CAPN6: variants seen among roughly 807,000 people sequenced by gnomAD.
CAPN6 encodes the protein calpain 6, also known as calpain-6.
In CAPN6, 16 loss-of-function variants were observed where a neutral mutation model predicts 46.0. The ratio of observed to expected loss-of-function variants is 0.35; its 90% CI spans 0.24 to 0.53. The LOEUF is 0.53. Among genes scored for constraint, CAPN6 ranks in the 20% least tolerant of loss-of-function variants. The pLI is 0.94. For synonymous variants in CAPN6, 206 were observed against 172.8 expected (o/e 1.19, Z -1.51); for missense variants, 461 against 498.0 (o/e 0.93, Z 0.71).
intron 8 of CAPN6, among the ~76,000 whole-genome samples, chrX:111,250,432 G>GA (rs2094978235): frequency 9.0e-6 from 1 of 111,207 alleles, no homozygotes; most frequent in African/African-American, 3.3e-5. Flanking sequence ...CAAATCCTGG[G>GA]AAAAATGACC....
Position 111,248,621 on chromosome X carries a change from G to A in CAPN6, c.1432C>T (p.Arg478Cys), listed in dbSNP as rs745378811. ...ATTCTCAGGAGAAACTCGCTGGTGC[G>A]ACCATGCTGGAACATGGTTGGGACA... ...VLVPTMFQHG[R>C]TSEFLLRIFS... Residue 478 changes from arginine (R) to cysteine (C), a missense_variant, in exon 10 of 13, where the codon CGC becomes TGC. Transcript: ENST00000324068. 1.2e-5 allele frequency: 15 copies of A among 1,207,122 alleles called. No homozygotes were observed. Among genetic ancestry groups the A allele is most frequent in the African/African-American group, 1.8e-5 (1 of 57,003 alleles).
chrX:111,268,193 A>T (rs2094993408), intron 1 of CAPN6, among the ~76,000 whole-genome samples: 1 of 111,724 alleles, frequency 9.0e-6, no homozygotes, highest in Non-Finnish European at 1.9e-5. Flanking sequence ...GCCCAGAGAG[A>T]AGAGTCTGTT....
chrX:111,267,808 A>C (rs2147541384), intron 1 of CAPN6, among the ~76,000 whole-genome samples: 1 of 111,303 alleles, frequency 9.0e-6, no homozygotes, highest in African/African-American at 3.3e-5. Context: ...TGGAGCAAAA[A>C]TCAAGATAAA....
intron 2 of CAPN6, among the ~76,000 whole-genome samples, chrX:111,254,770 T>A (rs2094982494): frequency 9.0e-6 from 1 of 111,468 alleles, no homozygotes; most frequent in Admixed American, 9.5e-5. Context: ...TACATTCTGA[T>A]CCTATTTTGC....
intron 2 of CAPN6, among the ~76,000 whole-genome samples, chrX:111,256,559 T>C (rs1434681222): frequency 8.9e-6 from 1 of 112,079 alleles, no homozygotes; most frequent in Non-Finnish European, 1.9e-5. Flanking sequence ...TGGTTGGAGA[T>C]ACATTATGGT....
Position 111,252,419 on chromosome X carries a change from G to T in CAPN6, c.587C>A (p.Thr196Asn). The T allele has an allele frequency of 8.3e-7, 1 of 1,210,465 alleles. No homozygotes were observed. The highest frequency in any genetic ancestry group is 1.8e-5 in the South Asian group (1 of 56,899). ...GTATCTTCCTTTCTGCATGTCAACAGTTTCAGCCAATGTGCCCGTGAAGTC... is the reference window on the plus strand; with the variant it reads ...GTATCTTCCTTTCTGCATGTCAACATTTTCAGCCAATGTGCCCGTGAAGTC... Reference protein sequence around the residue: ...IVDFTGTLAETVDMQKGRYTE... With the variant: ...IVDFTGTLAENVDMQKGRYTE... Residue 196 changes from threonine to asparagine, a missense_variant, in exon 5 of 13, where the codon ACT becomes AAT. Physicochemically the swap from Thr to Asn is moderately conservative, Grantham distance 65. Transcript: ENST00000324068.
chrX:111,261,188 G>C (rs2094987681), intron 2 of CAPN6, among the ~76,000 whole-genome samples: 1 of 112,659 alleles, frequency 8.9e-6, no homozygotes. Flanking sequence ...TGATATGACA[G>C]CATGATAGAG....
intron 2 of CAPN6, among the ~76,000 whole-genome samples, chrX:111,261,015 T>C (rs2094987511): frequency 1.8e-5 from 2 of 112,618 alleles, no homozygotes; most frequent in African/African-American, 6.5e-5. Flanking sequence ...CCTTTGGGCT[T>C]AATAAGATTA....
intron 8 of CAPN6, among the ~76,000 whole-genome samples, chrX:111,249,690 G>A (rs746103493): frequency 4.2e-4 from 46 of 110,650 alleles, no homozygotes; most frequent in Non-Finnish European, 7.9e-4. Flanking sequence ...CCTTTAGAAG[G>A]AAACATAAAA....
chrX:111,257,118 C>A (rs1458439077), intron 2 of CAPN6, among the ~76,000 whole-genome samples: 2 of 111,245 alleles, frequency 1.8e-5, no homozygotes, highest in Non-Finnish European at 3.8e-5. Flanking sequence ...TTTTATTTTT[C>A]AGAACCACAT....
At position 111,246,524 on chromosome X, in the gene CAPN6, G is replaced by T; in HGVS notation, c.*53C>A. 1 of 1,037,957 alleles carries T rather than the reference G, an allele frequency of 9.6e-7. No individual in the cohort carries two copies. Among genetic ancestry groups the T allele is most frequent in the South Asian group, 2.1e-5 (1 of 48,417 alleles). 85.5% of individuals were successfully genotyped at this position (1,037,957 alleles called of 1,213,427 possible). On this transcript the variant is annotated 3_prime_UTR_variant, in exon 13 of 13. Coordinates refer to ENST00000324068, the MANE Select transcript of CAPN6 (RefSeq NM_014289.4). The stretch of plus-strand genomic sequence containing the variant: ...GAATCTTAACTAAGACCTGGCACCT[G>T]ACGGAAAATAAAAGGGTGGCACGCT...
intron 2 of CAPN6, among the ~76,000 whole-genome samples, chrX:111,257,081 G>T (rs759096449): frequency 9.0e-6 from 1 of 111,495 alleles, no homozygotes; most frequent in Non-Finnish European, 1.9e-5. Flanking sequence ...CATCTAGCTA[G>T]TCAGCAGGAG....
chrX:111,255,825 T>C (rs1193847014), intron 2 of CAPN6, among the ~76,000 whole-genome samples: 2 of 111,840 alleles, frequency 1.8e-5, no homozygotes, highest in Non-Finnish European at 3.8e-5. Context: ...AGATAGGTTG[T>C]CAGCTTTGGA....
intron 2 of CAPN6, among the ~76,000 whole-genome samples, chrX:111,260,455 C>A (rs1349827017): frequency 3.5e-5 from 4 of 112,727 alleles, no homozygotes; most frequent in African/African-American, 1.3e-4. Flanking sequence ...AGAAAATAGC[C>A]CCAGTTAAGT....
At chrX:111,256,477 A>C (rs1203596224) in intron 2 of CAPN6, among the ~76,000 whole-genome samples, 1 of 112,335 alleles carries the variant, frequency 8.9e-6, no homozygotes, top group Admixed American at 9.4e-5. Context: ...TAAAGTGAAC[A>C]CTGATATATG....
chrX:111,266,073 AAAG>A (rs1301427243), intron 1 of CAPN6, among the ~76,000 whole-genome samples: 2 of 109,443 alleles, frequency 1.8e-5, no homozygotes, highest in Non-Finnish European at 1.9e-5. Flanking sequence ...CACAGTAAAT[AAAG>A]AAGAGCAGAC....
intron 2 of CAPN6, among the ~76,000 whole-genome samples, chrX:111,261,899 T>G (rs1199544690): frequency 9.0e-6 from 1 of 111,511 alleles, no homozygotes; most frequent in Non-Finnish European, 1.9e-5. Context: ...TATGTTCAAG[T>G]CTGTCCTATT....
intron 1 of CAPN6, among the ~76,000 whole-genome samples, chrX:111,269,925 C>T (rs982944218): frequency 6.3e-5 from 7 of 111,776 alleles, no homozygotes; most frequent in Non-Finnish European, 1.3e-4. Context: ...AGATTTTGCT[C>T]GCATTTCAAT....
In CAPN6 at chrX:111,246,304, C is replaced by T; in HGVS notation, c.*273G>A. ...TTGTTATTGTCCTACTTGAATCTCA[C>T]CCCCGGAAGCCCCAGAGATCCTTTC... On this transcript the variant is annotated 3_prime_UTR_variant, in exon 13 of 13. Coordinates refer to ENST00000324068, the MANE Select transcript of CAPN6 (RefSeq NM_014289.4). 1 of 324,722 alleles carries T rather than the reference C, an allele frequency of 3.1e-6. No homozygotes were observed. The highest frequency in any genetic ancestry group is 7.0e-5 in the South Asian group (1 of 14,306). 26.8% of individuals were successfully genotyped at this position (324,722 alleles called of 1,213,427 possible).
Sources: allele counts gnomAD v4.1 joint callset (sites outside exome capture counted in the v4.1 genomes callset), GRCh38; gene constraint gnomAD v4.1.1; transcripts MANE v1.5; gene names NCBI Gene and HGNC (gene_info 2026-07-23, HGNC 2026-07-21).